Variants in IGF2BP3 observed in about 807,000 individuals in gnomAD.
IGF2BP3 encodes insulin like growth factor 2 mRNA binding protein 3.
Under a neutral mutation model 73.8 loss-of-function variants are expected in IGF2BP3, and 9 were observed. The ratio of observed to expected loss-of-function variants is 0.12; its 90% CI spans 0.07 to 0.21. The LOEUF (loss-of-function observed/expected upper bound fraction) is 0.21, where lower values mean the gene tolerates loss of function less well. Among genes scored for constraint, IGF2BP3 ranks in the 10% least tolerant of loss-of-function variants. The pLI is 1.00. For synonymous variants in IGF2BP3, 258 were observed against 256.7 expected, an observed-to-expected ratio of 1.01 and a Z score of -0.05; for missense variants, 542 against 714.0, an observed-to-expected ratio of 0.76 and a Z score of 2.75.
At chr7:23,425,788 AAC>A (rs1206588877) in intron 2 of IGF2BP3, among the ~76,000 whole-genome samples, 1 of 152,074 alleles carries the variant, frequency 6.6e-6, no homozygotes, top group African/African-American at 2.4e-5. Flanking sequence ...TTTGATTTAC[AAC>A]AGTTATCTGC....
chr7:23,372,281 G>A (rs150319533), intron 3 of IGF2BP3, among the ~76,000 whole-genome samples: 3,720 of 152,062 alleles, frequency 0.024, 150 homozygotes, highest in African/African-American at 0.085. Context: ...CACTATGTTG[G>A]CCAGGCTGGC....
intron 12 of IGF2BP3, among the ~76,000 whole-genome samples, chr7:23,315,004 T>C (rs896488241): frequency 2.6e-5 from 4 of 152,148 alleles, no homozygotes; most frequent in Non-Finnish European, 4.4e-5. Context: ...GGATTCACCA[T>C]GTTGGCCAGG....
intron 6 of IGF2BP3, among the ~76,000 whole-genome samples, chr7:23,348,296 G>A (rs1425774587): frequency 1.3e-5 from 2 of 152,176 alleles, no homozygotes; most frequent in African/African-American, 4.8e-5. Context: ...TTCAAGAAAA[G>A]CAAGTGGCCA....
intron 10 of IGF2BP3, among the ~76,000 whole-genome samples, chr7:23,331,616 T>G (rs1487491058): frequency 6.6e-6 from 1 of 152,060 alleles, no homozygotes; most frequent in Admixed American, 6.5e-5. Flanking sequence ...TCCTAACACT[T>G]TGGAAGGCCA....
At chr7:23,423,940 A>G (rs1442187320) in intron 2 of IGF2BP3, among the ~76,000 whole-genome samples, 4 of 151,540 alleles carry the variant, frequency 2.6e-5, no homozygotes, top group Admixed American at 6.6e-5. Context: ...CAACATGGTG[A>G]AACCTCGTCT....
chr7:23,409,518 A>C (rs1393754304), intron 3 of IGF2BP3, among the ~76,000 whole-genome samples: 1 of 152,240 alleles, frequency 6.6e-6, no homozygotes, highest in Non-Finnish European at 1.5e-5. Context: ...ACCGTAACCA[A>C]GAAAGTGTAG....
chr7:23,348,704 C>T (rs879417859), intron 6 of IGF2BP3, among the ~76,000 whole-genome samples: 4 of 152,132 alleles, frequency 2.6e-5, no homozygotes, highest in Non-Finnish European at 5.9e-5. Flanking sequence ...ATGCCTCTCT[C>T]TCAACTCTAA....
At chr7:23,357,448 C>T (rs1156488890) in intron 5 of IGF2BP3, among the ~76,000 whole-genome samples, 1 of 152,140 alleles carries the variant, frequency 6.6e-6, no homozygotes. Flanking sequence ...CAAAAATAAA[C>T]ATCAGGATAA....
At position 23,351,426 on chromosome 7, in the gene IGF2BP3, C is replaced by T. The variant is rs765538897; in HGVS notation, c.562G>A (p.Val188Ile). 87 of 1,613,392 alleles carry T rather than the reference C, an allele frequency of 5.4e-5. 1 individual carries two copies. The highest frequency in any genetic ancestry group is 5.0e-4 in the Middle Eastern group (3 of 6,054). ...AAATCACATGGTTTCTGCTTGGATA[C>T]GGATCCTGGAGACCCCTGCCTTGAG... ...GSSRQGSPGS[V>I]SKQKPCDLPL... The change falls in exon 6 of 15, where the codon GTA becomes ATA. Residue 188 changes from valine (V) to isoleucine (I), a missense_variant. By Grantham distance (29) the Val-to-Ile change is conservative. Transcript: ENST00000258729.
intron 2 of IGF2BP3, among the ~76,000 whole-genome samples, chr7:23,444,579 T>TA (rs1368973778): frequency 6.6e-6 from 1 of 151,500 alleles, no homozygotes; most frequent in Non-Finnish European, 1.5e-5. Context: ...CCATCTCTAC[T>TA]AAAAAATACG....
intron 2 of IGF2BP3, among the ~76,000 whole-genome samples, chr7:23,440,217 C>G (rs980018158): frequency 6.6e-6 from 1 of 151,138 alleles, no homozygotes; most frequent in African/African-American, 2.4e-5. Context: ...GAGCCAAGAT[C>G]GTGCCACTGC....
intron 2 of IGF2BP3, among the ~76,000 whole-genome samples, chr7:23,452,541 T>C (rs914037142): frequency 2.0e-5 from 3 of 152,124 alleles, no homozygotes; most frequent in African/African-American, 4.8e-5. Flanking sequence ...TGGTGGCTCA[T>C]GCCTGTAATC....
intron 2 of IGF2BP3, among the ~76,000 whole-genome samples, chr7:23,429,168 C>G (rs995844807): frequency 1.3e-5 from 2 of 152,138 alleles, no homozygotes; most frequent in African/African-American, 4.8e-5. Flanking sequence ...AGAAAATACA[C>G]TTGGAAAGAA....
chr7:23,332,398 T>A (rs1193162250), intron 10 of IGF2BP3, among the ~76,000 whole-genome samples: 1 of 152,252 alleles, frequency 6.6e-6, no homozygotes, highest in African/African-American at 2.4e-5. Context: ...GCATACTCCA[T>A]GTTTTCTAGG....
intron 7 of IGF2BP3, among the ~76,000 whole-genome samples, chr7:23,346,598 CTT>C (rs777167775): frequency 1.5e-5 from 2 of 132,586 alleles, no homozygotes. Flanking sequence ...CTTTTTCTTT[CTT>C]TTTTTTTTTT....
rs113996538 is a variant in IGF2BP3 at position 23,311,542 on chromosome 7, C to T, written c.*820G>A. 0.069 allele frequency: 10,485 copies of T among 152,304 alleles called. 702 individuals are homozygous for T. Among genetic ancestry groups the T allele is most frequent in the African/African-American group, 0.17 (6,985 of 41,474 alleles). The allele number at this position is 152,304 out of a possible 1,614,324, so 9.4% of individuals were successfully genotyped here. A position where few individuals can be genotyped will look rare whatever the true frequency, so the allele number is the denominator to read the frequency against. On this transcript the variant is annotated 3_prime_UTR_variant, in exon 15 of 15. Transcript: ENST00000258729. ...AAATGGTAGTGCTGCTCTCCAGATA[C>T]TAGGCACTGCTCCGTATTTTTGAAC... is the stretch of plus-strand genomic sequence containing the variant.
chr7:23,337,327 T>TAC (rs1784599471), intron 10 of IGF2BP3, among the ~76,000 whole-genome samples: 1 of 152,200 alleles, frequency 6.6e-6, no homozygotes, highest in East Asian at 1.9e-4. Context: ...TGTTTTCTCT[T>TAC]TATTTAGATG....
chr7:23,467,567 T>C (rs532553951), intron 2 of IGF2BP3, among the ~76,000 whole-genome samples: 2 of 152,196 alleles, frequency 1.3e-5, no homozygotes, highest in South Asian at 4.1e-4. Context: ...CCGGAATCTA[T>C]GGTGTGAGTT....
At chr7:23,334,572 T>C (rs1368685753) in intron 10 of IGF2BP3, among the ~76,000 whole-genome samples, 2 of 152,236 alleles carry the variant, frequency 1.3e-5, no homozygotes. Context: ...TAAGGTCTAG[T>C]TGCATTGTCT....
Sources: allele counts gnomAD v4.1 joint callset (sites outside exome capture counted in the v4.1 genomes callset), GRCh38; gene constraint gnomAD v4.1.1; transcripts MANE v1.5; gene names NCBI Gene and HGNC (gene_info 2026-07-23, HGNC 2026-07-21).